PCDHA3: variants seen among roughly 807,000 people sequenced by gnomAD.
PCDHA3 encodes protocadherin alpha-3.
In PCDHA3, 41 loss-of-function variants were observed where a neutral mutation model predicts 62.2. The observed-to-expected ratio is 0.66, with a 90% CI of 0.51 to 0.86. The LOEUF (loss-of-function observed/expected upper bound fraction) is 0.86, where lower values mean the gene tolerates loss of function less well. PCDHA3 is among the 40% of genes least tolerant of loss of function. The probability of loss-of-function intolerance (pLI) is 0.00; values close to 1 mark genes in which losing one functional copy is unlikely to be tolerated. For missense variants in PCDHA3, 1,304 were observed against 1,241.2 expected (o/e 1.05, Z -0.76); for synonymous variants, 640 against 555.4 (o/e 1.15, Z -2.14).
chr5:140,930,892 TTTAAC>T, intron 1 of PCDHA3, among the ~76,000 whole-genome samples: 1 of 152,332 alleles, frequency 6.6e-6, no homozygotes, highest in African/African-American at 2.4e-5. Context: ...AGGGAAAAAC[TTTAAC>T]TTACTTTTCT....
chr5:140,838,676 C>G (rs1236293841), intron 1 of PCDHA3, among the ~76,000 whole-genome samples: 2 of 151,972 alleles, frequency 1.3e-5, no homozygotes, highest in African/African-American at 2.4e-5. Context: ...TGGCACACAC[C>G]TTTAACCCCA....
At chr5:140,967,845 A>G in intron 1 of PCDHA3, 3 of 1,614,160 alleles carry the variant, frequency 1.9e-6, no homozygotes, top group Non-Finnish European at 2.5e-6. Flanking sequence ...GACGTGAATG[A>G]CAATGCCCCA....
intron 1 of PCDHA3, chr5:140,804,504 T>A (rs1332634114): frequency 6.6e-6 from 1 of 152,168 alleles, no homozygotes; most frequent in Non-Finnish European, 1.5e-5. Flanking sequence ...TATCTAATTT[T>A]AAAACTATCC....
At position 140,884,423 on chromosome 5, in the gene PCDHA3, A is replaced by G. The variant is rs2060160830; in HGVS notation, c.2394+80832A>G. The G allele has an allele frequency of 1.2e-6, 2 of 1,613,932 alleles. No individual in the cohort carries two copies. Among genetic ancestry groups the G allele is most frequent in the African/African-American group, 1.3e-5 (1 of 75,050 alleles). On this transcript the variant is annotated intron_variant, in intron 1 of 3. Coordinates refer to ENST00000522353, the MANE Select transcript of PCDHA3 (RefSeq NM_018906.3). ...GTTGGTGCTCACGTTGCTGCTGTAT[A>G]CTGCGCTGCGGTGCTCGGCACCGCC...
chr5:140,839,557 T>A (rs1776285621), intron 1 of PCDHA3, among the ~76,000 whole-genome samples: 1 of 151,956 alleles, frequency 6.6e-6, no homozygotes, highest in Non-Finnish European at 1.5e-5. Context: ...GCCCAACTAA[T>A]TTTTGTATTT....
intron 1 of PCDHA3, chr5:140,967,260 C>G: frequency 6.2e-7 from 1 of 1,613,500 alleles, no homozygotes; most frequent in Non-Finnish European, 8.5e-7. Flanking sequence ...GCGCCTGGAG[C>G]GCGCTTTCAC....
At chr5:140,993,532 AG>A (rs2097571069) in intron 3 of PCDHA3, among the ~76,000 whole-genome samples, 7 of 152,102 alleles carry the variant, frequency 4.6e-5, no homozygotes, top group African/African-American at 1.7e-4. Context: ...ACAGAGAGAG[AG>A]AGAGATAGAG....
chr5:140,905,170 G>A (rs1350085385), intron 1 of PCDHA3, among the ~76,000 whole-genome samples: 1 of 152,188 alleles, frequency 6.6e-6, no homozygotes, highest in Non-Finnish European at 1.5e-5. Context: ...ATGGTTTCAG[G>A]TTTTAGATTT....
chr5:140,874,053 CAATTT>C (rs1290519215), intron 1 of PCDHA3, among the ~76,000 whole-genome samples: 1 of 152,190 alleles, frequency 6.6e-6, no homozygotes, highest in Non-Finnish European at 1.5e-5. Flanking sequence ...TGATATTAGA[CAATTT>C]AAATAATTAG....
At chr5:140,877,374 A>C in intron 1 of PCDHA3, 1 of 1,613,970 alleles carries the variant, frequency 6.2e-7, no homozygotes, top group Non-Finnish European at 8.5e-7. Context: ...TCAGCACGAC[A>C]CGCATCCTGG....
intron 1 of PCDHA3, among the ~76,000 whole-genome samples, chr5:140,953,105 G>A (rs191289853): frequency 5.3e-5 from 8 of 152,214 alleles, no homozygotes; most frequent in Non-Finnish European, 1.2e-4. Flanking sequence ...ATGAGATTTG[G>A]GCAGGGACAC....
intron 1 of PCDHA3, chr5:140,835,438 T>G (rs1773640668): frequency 6.2e-7 from 1 of 1,613,918 alleles, no homozygotes; most frequent in South Asian, 1.1e-5. Context: ...CAGTTGACTC[T>G]CACTTCCCTG....
In PCDHA3 at chr5:140,976,792, T is replaced by C. The variant is rs982135806; in HGVS notation, c.2395-2157T>C. 2.1e-4 allele frequency among the ~76,000 whole-genome samples: 32 copies of C among 152,216 alleles called. 1 individual carries two copies. The highest frequency in any genetic ancestry group is 1.0e-3 in the Admixed American group (16 of 15,274). ...AGACTCTGACTATATAGCTACGCTT[T>C]TATGAATATCTGAAGATATGCATGT... On this transcript the variant is annotated intron_variant, in intron 1 of 3. Coordinates refer to ENST00000522353, the MANE Select transcript of PCDHA3 (RefSeq NM_018906.3).
intron 1 of PCDHA3, among the ~76,000 whole-genome samples, chr5:140,936,341 A>G (rs954946684): frequency 7.2e-5 from 11 of 152,172 alleles, no homozygotes; most frequent in African/African-American, 2.7e-4. Flanking sequence ...CTCTATCTGC[A>G]TATATGGAAT....
At chr5:140,824,024 C>G in intron 1 of PCDHA3, 5 of 1,614,122 alleles carry the variant, frequency 3.1e-6, no homozygotes, top group Non-Finnish European at 4.2e-6. Flanking sequence ...TGGTCGTACT[C>G]GCAGCAGAGG....
rs1247026957 is a variant in PCDHA3, at chr5:140,805,577, G to T, written c.2394+1986G>T. On this transcript the variant is annotated intron_variant, in intron 1 of 3. Transcript: ENST00000522353. ...AGGAGGCAAGGAAAGTTTTTAAATG[G>T]CTACCATTATGTCTTTATATATTAA... The T allele has an allele frequency of 4.2e-6, 4 of 949,748 alleles. No individual in the cohort carries two copies. The African/African-American group carries it at 5.3e-5, about 13-fold the overall frequency. 58.8% of individuals were successfully genotyped at this position (949,748 alleles called of 1,614,324 possible). A position where few individuals can be genotyped will look rare whatever the true frequency, so the allele number is the denominator to read the frequency against.
chr5:140,879,003 G>C (rs781827510), intron 1 of PCDHA3, among the ~76,000 whole-genome samples: 1 of 152,144 alleles, frequency 6.6e-6, no homozygotes, highest in African/African-American at 2.4e-5. Flanking sequence ...GTATGCCCTA[G>C]AAATCAGATA....
At chr5:140,884,511 G>T (rs1202323930) in intron 1 of PCDHA3, 6 of 1,614,074 alleles carry the variant, frequency 3.7e-6, no homozygotes, top group African/African-American at 1.3e-5. Context: ...GCAGGGAGTT[G>T]GTCGTACTCG....
At chr5:140,815,841 T>C (rs2126667255) in intron 1 of PCDHA3, 2 of 152,220 alleles carry the variant, frequency 1.3e-5, no homozygotes, top group African/African-American at 4.8e-5. Context: ...AGACAAACTT[T>C]GGTGGATTTG....
Sources: gnomAD v4.1 joint callset for allele counts (sites outside exome capture counted in the v4.1 genomes callset) on GRCh38, gnomAD v4.1.1 for gene constraint, MANE v1.5 for transcripts, NCBI Gene and HGNC (gene_info 2026-07-23, HGNC 2026-07-21) for gene names.